CCDC138: variants seen among roughly 807,000 people sequenced by gnomAD.
CCDC138 encodes coiled-coil domain-containing protein 138.
A neutral mutation model predicts 82.3 loss-of-function variants in CCDC138; 66 were observed. That is an observed-to-expected ratio of 0.80 (90% CI 0.66 to 0.98). The LOEUF is 0.98. CCDC138 is among the 50% of genes least tolerant of loss of function. CCDC138 has a pLI of 0.00. For synonymous variants in CCDC138, 297 were observed against 265.4 expected, an observed-to-expected ratio of 1.12 and a Z score of -1.16; for missense variants, 816 against 758.9, an observed-to-expected ratio of 1.08 and a Z score of -0.88.
chr2:108,812,910 G>A lies in CCDC138; in HGVS notation c.1024G>A (p.Val342Ile), dbSNP rs1451670848. The change falls in exon 9 of 15, where the codon GTT becomes ATT. Residue 342 changes from valine to isoleucine, a missense_variant. Coordinates refer to ENST00000295124, the MANE Select transcript of CCDC138 (RefSeq NM_144978.3). ...AAGTTTAAAACAAGAAAAAGCACCA[G>A]TTTCAAAAACTTACAAGGTAAGTTT... ...MKSLKQEKAP[V>I]SKTYKVPLNG... is the part of the protein sequence containing the mutation. The A allele has an allele frequency of 1.9e-6, 3 of 1,613,342 alleles. No homozygotes were observed. The highest frequency in any genetic ancestry group is 1.7e-6 in the Non-Finnish European group (2 of 1,179,688).
chr2:108,830,534 G>T (rs1687376337), intron 10 of CCDC138, among the ~76,000 whole-genome samples: 1 of 151,968 alleles, frequency 6.6e-6, no homozygotes, highest in South Asian at 2.1e-4. Context: ...GAAACCAAAG[G>T]CATGGCTCAC....
At chr2:108,856,764 T>C (rs1692668693) in intron 12 of CCDC138, 30 bp from the exon 13 acceptor site, 3 of 1,592,600 alleles carry the variant, frequency 1.9e-6, no homozygotes, top group Non-Finnish European at 2.6e-6. Context: ...CTAGCAAAAC[T>C]GCAGTTGATT....
intron 11 of CCDC138, among the ~76,000 whole-genome samples, chr2:108,843,022 G>A (rs948160763): frequency 1.3e-5 from 2 of 152,172 alleles, no homozygotes; most frequent in African/African-American, 4.8e-5. Flanking sequence ...CTCAAGAAGA[G>A]AAGGAAAGTT....
intron 11 of CCDC138, among the ~76,000 whole-genome samples, chr2:108,841,682 A>G (rs1689512184): frequency 6.6e-6 from 1 of 152,128 alleles, no homozygotes. Context: ...TAGAAAAAAT[A>G]AACTTTGTCA....
intron 1 of CCDC138, among the ~76,000 whole-genome samples, chr2:108,787,335 C>T (rs1267569803): frequency 2.0e-5 from 3 of 152,182 alleles, no homozygotes; most frequent in African/African-American, 7.2e-5. Context: ...TAATATTTTG[C>T]CACATTGGCT....
chr2:108,874,988 A>G (rs7591305), intron 14 of CCDC138, among the ~76,000 whole-genome samples: 131,946 of 151,504 alleles, frequency 0.87, 57,855 homozygotes, highest in East Asian at 1. Context: ...TTTACTATTC[A>G]TGATGTGTTT....
downstream of CCDC138, among the ~76,000 whole-genome samples, chr2:108,877,674 C>T (rs1328612644): frequency 1.3e-5 from 2 of 152,102 alleles, no homozygotes; most frequent in East Asian, 1.9e-4. Context: ...CATTTGGTGT[C>T]TCTGAAGAAA....
intron 9 of CCDC138, among the ~76,000 whole-genome samples, chr2:108,814,575 G>A (rs1684426061): frequency 6.6e-6 from 1 of 151,510 alleles, no homozygotes; most frequent in African/African-American, 2.4e-5. Flanking sequence ...TGTGTGGATT[G>A]CCATCGGCTT....
At chr2:108,859,843 A>G (rs1057377052) in intron 13 of CCDC138, among the ~76,000 whole-genome samples, 1 of 151,924 alleles carries the variant, frequency 6.6e-6, no homozygotes, top group Non-Finnish European at 1.5e-5. Flanking sequence ...GTGAAGAATA[A>G]TGTTGGTAAT....
intron 3 of CCDC138, among the ~76,000 whole-genome samples, chr2:108,790,173 T>C (rs1416804117): frequency 6.6e-6 from 1 of 152,188 alleles, no homozygotes; most frequent in Admixed American, 6.5e-5. Flanking sequence ...TATTTCATGT[T>C]GCACTCACAA....
intron 9 of CCDC138, among the ~76,000 whole-genome samples, chr2:108,815,620 C>T (rs1383659817): frequency 6.6e-6 from 1 of 151,868 alleles, no homozygotes; most frequent in African/African-American, 2.4e-5. Flanking sequence ...CATGCACCAC[C>T]ATGCCCAGCT....
At chr2:108,838,122 T>G (rs1688874546) in intron 10 of CCDC138, among the ~76,000 whole-genome samples, 1 of 152,032 alleles carries the variant, frequency 6.6e-6, no homozygotes, top group Non-Finnish European at 1.5e-5. Flanking sequence ...TCTGGTAAGA[T>G]TACGGCAGAG....
intron 9 of CCDC138, among the ~76,000 whole-genome samples, chr2:108,814,817 G>A (rs111775057): frequency 2.0e-5 from 3 of 151,560 alleles, no homozygotes; most frequent in African/African-American, 7.3e-5. Context: ...TATATTTTTA[G>A]TAGAGACAGC....
chr2:108,843,307 A>G (rs1689826053), intron 11 of CCDC138, among the ~76,000 whole-genome samples: 1 of 151,938 alleles, frequency 6.6e-6, no homozygotes. Context: ...ACAGGCGCCC[A>G]CCACCATGCC....
chr2:108,868,912 ATGAAAT>A (rs903276973), intron 13 of CCDC138, among the ~76,000 whole-genome samples: 12 of 151,848 alleles, frequency 7.9e-5, no homozygotes, highest in African/African-American at 2.4e-4. Flanking sequence ...AAAGAAAAAA[ATGAAAT>A]TTTTTTCTAT....
At chr2:108,864,064 ATGTGTTACACTAG>A (rs1694035485) in intron 13 of CCDC138, among the ~76,000 whole-genome samples, 1 of 152,100 alleles carries the variant, frequency 6.6e-6, no homozygotes, top group Admixed American at 6.5e-5. Flanking sequence ...ATAATAGATG[ATGTGTTACACTAG>A]TGTGTAACAC....
At chr2:108,824,378 C>A (rs1686216895) in intron 10 of CCDC138, among the ~76,000 whole-genome samples, 1 of 151,836 alleles carries the variant, frequency 6.6e-6, no homozygotes, top group Non-Finnish European at 1.5e-5. Context: ...TTTTTACTTT[C>A]TCGACTATTC....
intron 2 of CCDC138, chr2:108,883,102 A>G (rs890920279): frequency 9.8e-5 from 15 of 152,314 alleles, no homozygotes; most frequent in East Asian, 3.9e-4. Context: ...CCCATCCTCT[A>G]TATTTTGTGA....
intron 13 of CCDC138, among the ~76,000 whole-genome samples, chr2:108,858,984 G>C (rs1225000347): frequency 6.6e-6 from 1 of 152,168 alleles, no homozygotes; most frequent in Non-Finnish European, 1.5e-5. Flanking sequence ...CAATAAGCAT[G>C]AGAGTGCAGG....
Sources: gnomAD v4.1 joint callset for allele counts (sites outside exome capture counted in the v4.1 genomes callset) on GRCh38, gnomAD v4.1.1 for gene constraint, MANE v1.5 for transcripts, NCBI Gene and HGNC (gene_info 2026-07-23, HGNC 2026-07-21) for gene names.